Variants in NID2 observed in about 807,000 individuals in gnomAD.
NID2 encodes nidogen 2.
NID2 carries 83 observed loss-of-function variants against 145.4 expected under a neutral mutation model. The ratio of observed to expected loss-of-function variants is 0.57; its 90% confidence interval spans 0.48 to 0.69. The LOEUF (loss-of-function observed/expected upper bound fraction) is 0.69, where lower values mean the gene tolerates loss of function less well. Ranked by LOEUF, NID2 falls within the 30% of genes least tolerant of loss-of-function variation. NID2 has a pLI of 0.00. For missense variants in NID2, 1,807 were observed against 1,765.7 expected (o/e 1.02, Z -0.42); for synonymous variants, 739 against 701.3 (o/e 1.05, Z -0.85).
In NID2 at chr14:52,012,876, A is replaced by C. The variant is rs1178566602; in HGVS notation, c.3421-1193T>G. 2.6e-5 allele frequency among the ~76,000 whole-genome samples: 4 copies of C among 152,170 alleles called. No homozygotes were observed. In the East Asian group the frequency reaches 7.7e-4, roughly 29 times the overall value. On this transcript the variant is annotated intron_variant, in intron 16 of 21. Coordinates refer to ENST00000216286, the MANE Select transcript of NID2 (RefSeq NM_007361.4). ...TAGCTGGCTGTCCCTGAGGTCATAC[A>C]AGTTCCTGCCTTGCCTAACAGCCTC...
rs776704250 is a variant in NID2 at position 52,005,897 on chromosome 14, TAAAG to T, written c.4005-52_4005-49del. 2.2e-6 allele frequency: 3 copies of T among 1,385,422 alleles called. No homozygotes were observed. In the Admixed American group the frequency reaches 5.3e-5, roughly 24 times the overall value. 85.8% of individuals were successfully genotyped at this position (1,385,422 alleles called of 1,614,324 possible). On this transcript the variant is annotated intron_variant, in intron 20 of 21. Transcript: ENST00000216286. The stretch of plus-strand genomic sequence containing the variant: ...AATTCAGGGACAGTCATTTACTAGA[TAAAG>T]AAGTCAGTCAGCCACAGAAAATCAG...
chr14:52,039,740 A>T (rs1295505604), intron 8 of NID2, among the ~76,000 whole-genome samples: 1 of 152,264 alleles, frequency 6.6e-6, no homozygotes, highest in Non-Finnish European at 1.5e-5. Flanking sequence ...GTACTTTCAC[A>T]GAACACATCA....
At chr14:52,023,350 G>C (rs1595014911) in intron 12 of NID2, among the ~76,000 whole-genome samples, 1 of 151,956 alleles carries the variant, frequency 6.6e-6, no homozygotes, top group South Asian at 2.1e-4. Flanking sequence ...GCTACTTGGG[G>C]GGGCTGAGAT....
intron 9 of NID2, among the ~76,000 whole-genome samples, chr14:52,031,307 C>A (rs531238659): frequency 6.5e-4 from 99 of 152,266 alleles, no homozygotes; most frequent in Non-Finnish European, 1.3e-3. Context: ...GAAAACCCAA[C>A]AGAACATATT....
chr14:52,040,635 G>C lies in NID2; in HGVS notation c.2026+16C>G, dbSNP rs765517058. 6.2e-7 allele frequency: 1 copy of C among 1,607,596 alleles called. No individual in the cohort carries two copies. Among genetic ancestry groups the C allele is most frequent in the East Asian group, 2.2e-5 (1 of 44,844 alleles). ...ATAATCCCCATTTTACAGATGTGAA[G>C]ACTGGTTATACATACTGGAGTCGGA... On this transcript the variant is annotated intron_variant, in intron 8 of 21. Transcript: ENST00000216286.
rs1392552485 is a variant in NID2 at position 52,005,319 on chromosome 14, G to A, written c.*167C>T. The A allele has an allele frequency of 2.1e-6, 1 of 483,944 alleles. No homozygotes were observed. Among genetic ancestry groups the A allele is most frequent in the Admixed American group, 3.8e-5 (1 of 26,152 alleles). 30.0% of individuals were successfully genotyped at this position (483,944 alleles called of 1,614,324 possible). On this transcript the variant is annotated 3_prime_UTR_variant, in exon 22 of 22. Transcript: ENST00000216286. ...TAAAAATACAGTAGTAAAGATTGAGGTATCAGCTTTTCACAAAAGTCTTTT... is the reference window on the plus strand; with the variant it reads ...TAAAAATACAGTAGTAAAGATTGAGATATCAGCTTTTCACAAAAGTCTTTT...
intron 3 of NID2, among the ~76,000 whole-genome samples, chr14:52,055,333 A>G (rs1356335231): frequency 6.6e-6 from 1 of 152,260 alleles, no homozygotes. Context: ...TCTACAGAAT[A>G]TTAAAGACAT....
intron 5 of NID2, among the ~76,000 whole-genome samples, chr14:52,053,094 C>T (rs953916148): frequency 8.5e-5 from 13 of 152,300 alleles, no homozygotes; most frequent in African/African-American, 3.1e-4. Context: ...CTCTCCCACA[C>T]ATCACAAGCA....
At chr14:52,020,216 A>C (rs770107322) in intron 12 of NID2, 38 bp from the exon 13 acceptor site, 1 of 1,610,678 alleles carries the variant, frequency 6.2e-7, no homozygotes, top group Non-Finnish European at 8.5e-7. Context: ...AGCAAAGAAC[A>C]CTATGACTTC....
At chr14:52,017,006 G>A (rs191348075) in intron 14 of NID2, among the ~76,000 whole-genome samples, 5 of 152,310 alleles carry the variant, frequency 3.3e-5, no homozygotes, top group South Asian at 2.1e-4. Flanking sequence ...TTAAGACCCC[G>A]TGGAGAAGGT....
chr14:52,042,751 C>G (rs753028420), intron 6 of NID2, 31 bp downstream of exon 6: 2 of 1,610,306 alleles, frequency 1.2e-6, no homozygotes, highest in Non-Finnish European at 1.7e-6. Flanking sequence ...CAGGAATAGA[C>G]ACACAGGAGT....
chr14:52,039,444 G>A (rs530928837), intron 8 of NID2, among the ~76,000 whole-genome samples: 5 of 152,188 alleles, frequency 3.3e-5, no homozygotes, highest in East Asian at 1.9e-4. Context: ...CAGAAGTGAC[G>A]ACTTCCAACA....
intron 16 of NID2, 154 bp downstream of exon 16, chr14:52,014,133 T>C: frequency 1.1e-6 from 1 of 875,000 alleles, no homozygotes; most frequent in South Asian, 1.4e-5. Context: ...CCTGGTCCTA[T>C]GGTGGTGGCA....
chr14:52,040,969 T>C (rs1892260540), intron 7 of NID2, 118 bp from the exon 8 acceptor site: 3 of 830,602 alleles, frequency 3.6e-6, no homozygotes, highest in African/African-American at 3.4e-5. Context: ...AAGGAGATTA[T>C]CTGATATCTG....
At chr14:52,023,885 C>G (rs1438641476) in intron 12 of NID2, among the ~76,000 whole-genome samples, 1 of 152,096 alleles carries the variant, frequency 6.6e-6, no homozygotes, top group African/African-American at 2.4e-5. Flanking sequence ...GAGAAAAACT[C>G]CCACACCCCC....
intron 9 of NID2, among the ~76,000 whole-genome samples, chr14:52,031,376 C>A (rs2140382877): frequency 6.6e-6 from 1 of 152,318 alleles, no homozygotes; most frequent in African/African-American, 2.4e-5. Context: ...ACTCCTTCTG[C>A]CTTCTCAGTG....
intron 9 of NID2, among the ~76,000 whole-genome samples, chr14:52,035,269 T>C (rs1470156333): frequency 6.6e-6 from 1 of 152,202 alleles, no homozygotes; most frequent in African/African-American, 2.4e-5. Flanking sequence ...CACCTATGCA[T>C]CCTTCTCCTT....
intron 9 of NID2, among the ~76,000 whole-genome samples, chr14:52,030,350 T>A (rs1280464636): frequency 1.3e-5 from 2 of 151,890 alleles, no homozygotes; most frequent in Non-Finnish European, 2.9e-5. Context: ...TAGAGAAATC[T>A]ATTTTGGCTG....
chr14:52,020,284 G>A (rs1891356095), intron 12 of NID2, 106 bp from the exon 13 acceptor site: 1 of 1,531,964 alleles, frequency 6.5e-7, no homozygotes, highest in Non-Finnish European at 8.8e-7. Flanking sequence ...CACCCAGTGA[G>A]GTGTCAGCTT....
Sources: gnomAD v4.1 joint callset for allele counts (sites outside exome capture counted in the v4.1 genomes callset) on GRCh38, gnomAD v4.1.1 for gene constraint, MANE v1.5 for transcripts, NCBI Gene and HGNC (gene_info 2026-07-23, HGNC 2026-07-21) for gene names.